PRPSAP2: variants seen among roughly 807,000 people sequenced by gnomAD.
PRPSAP2 encodes the protein phosphoribosyl pyrophosphate synthetase associated protein 2.
Under a neutral mutation model 40.6 loss-of-function variants are expected in PRPSAP2, and 24 were observed. The observed-to-expected ratio is 0.59, with a 90% confidence interval of 0.43 to 0.83. The LOEUF is 0.83. PRPSAP2 is among the 40% of genes least tolerant of loss of function. PRPSAP2 has a pLI of 0.00. For synonymous variants in PRPSAP2, 149 were observed against 164.7 expected (o/e 0.90, Z 0.73); for missense variants, 292 against 465.6 (o/e 0.63, Z 3.43).
chr17:18,887,161 C>A (rs113021005), intron 7 of PRPSAP2, among the ~76,000 whole-genome samples: 12,941 of 151,172 alleles, frequency 0.086, 641 homozygotes, highest in African/African-American at 0.13. Context: ...TCTTGAACTC[C>A]CAAACTCAGG....
At chr17:18,912,448 C>T (rs913262047) in intron 9 of PRPSAP2, among the ~76,000 whole-genome samples, 11 of 152,256 alleles carry the variant, frequency 7.2e-5, no homozygotes, top group South Asian at 4.2e-4. Context: ...CATTTTGCCC[C>T]GGCCCCTCAA....
chr17:18,872,414 T>C (rs895020632), intron 4 of PRPSAP2, among the ~76,000 whole-genome samples, 169 bp from the exon 5 acceptor site: 2 of 152,228 alleles, frequency 1.3e-5, no homozygotes, highest in Admixed American at 1.3e-4. Context: ...AAAAAGTGAT[T>C]AATGGCAGTA....
upstream of PRPSAP2, chr17:18,858,098 T>TCCCGCCCCCGCCCCCGCCCCGCC (rs758419160): frequency 6.6e-6 from 1 of 151,562 alleles, no homozygotes; most frequent in Non-Finnish European, 1.5e-5. Context: ...CGGGCTCTAG[T>TCCCGCCCCCGCCCCCGCCCCGCC]CCCGCCCTCG....
chr17:18,915,025 C>CT (rs35684867), intron 9 of PRPSAP2, among the ~76,000 whole-genome samples: 46,516 of 130,114 alleles, frequency 0.36, 8,812 homozygotes, highest in South Asian at 0.44. Flanking sequence ...TGCACCCGAC[C>CT]TTTTTTTTTT....
rs754933880 is a variant in PRPSAP2 at position 18,865,925 on chromosome 17, G to T, written c.92G>T (p.Cys31Phe). 1 of 1,503,540 alleles carries T rather than the reference G, an allele frequency of 6.7e-7. No homozygotes were observed. Among genetic ancestry groups the T allele is most frequent in the Non-Finnish European group, 9.0e-7 (1 of 1,113,154 alleles). 93.1% of individuals were successfully genotyped at this position (1,503,540 alleles called of 1,614,324 possible). Residue 31 changes from cysteine (C) to phenylalanine (F), a missense_variant, in exon 3 of 12, where the codon TGT becomes TTT. Cys to Phe is a radical substitution (Grantham distance 205, BLOSUM62 -2). This residue lies in a region of PRPSAP2 where 51 missense variants were observed against 40.0 expected (regional missense o/e 1.28). Transcript: ENST00000268835. ...VLFSANSNSS[C>F]MELSKKIAER... is the part of the protein sequence containing the mutation. ...TTTTCAGCAAACTCGAATTCATCAT[G>T]TATGGAGCTATCAAAGAAAATTGCA...
intron 1 of PRPSAP2, among the ~76,000 whole-genome samples, chr17:18,860,122 C>T (rs961053005): frequency 2.4e-4 from 37 of 151,996 alleles, no homozygotes; most frequent in Admixed American, 1.5e-3. Flanking sequence ...TGTAGTGGCG[C>T]GATCTCAGCT....
At chr17:18,896,372 C>CTG (rs370555034) in intron 8 of PRPSAP2, among the ~76,000 whole-genome samples, 1 of 151,820 alleles carries the variant, frequency 6.6e-6, no homozygotes. Context: ...TCTTCAAGGT[C>CTG]TGTGTGTGTG....
chr17:18,887,247 CATTTTAATGAAAA>C (rs1049871429), intron 7 of PRPSAP2, among the ~76,000 whole-genome samples: 5 of 149,728 alleles, frequency 3.3e-5, no homozygotes, highest in African/African-American at 1.2e-4. Context: ...GATAATTTTT[CATTTTAATGAAAA>C]ATTTTAATGA....
rs1484007372 is a variant in PRPSAP2 at position 18,865,948 on chromosome 17, G to T, written c.115G>T (p.Ala39Ser). 2 of 1,433,636 alleles carry T rather than the reference G, an allele frequency of 1.4e-6. No individual in the cohort carries two copies. The highest frequency in any genetic ancestry group is 1.9e-6 in the Non-Finnish European group (2 of 1,076,204). 88.8% of individuals were successfully genotyped at this position (1,433,636 alleles called of 1,614,324 possible). A position where few individuals can be genotyped will look rare whatever the true frequency, so the allele number is the denominator to read the frequency against. ...SSCMELSKKI[A>S]ERLGVEMGKV... ...ATGTATGGAGCTATCAAAGAAAATT[G>T]CAGAGTGAGTTATAATTGTACCATT... The change falls in exon 3 of 12, where the codon GCA becomes TCA. Residue 39 changes from alanine (A) to serine (S), a missense_variant. Coordinates refer to ENST00000268835, the MANE Select transcript of PRPSAP2 (RefSeq NM_002767.4).
At chr17:18,908,384 A>G in intron 8 of PRPSAP2, 1 of 769,330 alleles carries the variant, frequency 1.3e-6, no homozygotes, top group Non-Finnish European at 2.4e-6. Context: ...GCAAGAAATT[A>G]AAACACTGGA....
At chr17:18,927,519 T>C (rs1247804316) in intron 10 of PRPSAP2, among the ~76,000 whole-genome samples, 1 of 152,208 alleles carries the variant, frequency 6.6e-6, no homozygotes, top group Non-Finnish European at 1.5e-5. Context: ...TCCCATGGTA[T>C]AGAGGTACCA....
At chr17:18,881,175 T>TA (rs35446593) in intron 6 of PRPSAP2, among the ~76,000 whole-genome samples, 21 of 145,658 alleles carry the variant, frequency 1.4e-4, no homozygotes, top group Middle Eastern at 3.5e-3. Flanking sequence ...CTCACAGTAC[T>TA]AAAAAAAAAA....
In PRPSAP2 at chr17:18,892,057, A is replaced by G. The variant is rs572158382; in HGVS notation, c.584+2180A>G. Among the ~76,000 whole-genome samples, 7 of 152,206 alleles carry G rather than the reference A, an allele frequency of 4.6e-5. No homozygotes were observed. The East Asian group carries it at 1.4e-3, about 29-fold the overall frequency. Reference sequence around the variant, plus strand: ...TTTCTGGTAGAGATGAGGTTTCACCATGTTGGTCAGGCTGGTCTTAAACTC... The same window carrying G: ...TTTCTGGTAGAGATGAGGTTTCACCGTGTTGGTCAGGCTGGTCTTAAACTC... On this transcript the variant is annotated intron_variant, in intron 8 of 11. Coordinates refer to ENST00000268835, the MANE Select transcript of PRPSAP2 (RefSeq NM_002767.4).
chr17:18,911,081 T>C lies in PRPSAP2; in HGVS notation c.585-22T>C, dbSNP rs1597712739. ...CCAAGGGCTGCATGAGTTTTGAGCTTGTGTCTGGTGTTTTCCCTCAGGGCA... is the reference window on the plus strand; with the variant it reads ...CCAAGGGCTGCATGAGTTTTGAGCTCGTGTCTGGTGTTTTCCCTCAGGGCA... On this transcript the variant is annotated intron_variant, in intron 8 of 11. Transcript: ENST00000268835. The surrounding 1 kb of genome is among the most constrained non-coding windows in gnomAD (Gnocchi z 4.5). The C allele has an allele frequency of 3.1e-6, 5 of 1,588,392 alleles. No individual in the cohort carries two copies. Among genetic ancestry groups the C allele is most frequent in the Non-Finnish European group, 3.4e-6 (4 of 1,163,196 alleles).
chr17:18,917,575 ATTATTATTATTTTTTTT>A (rs1419680322), intron 9 of PRPSAP2: 1,253 of 33,076 alleles, frequency 0.038, 27 homozygotes, highest in African/African-American at 0.12. Context: ...TATTATTATT[ATTATTATTATTTTTTTT>A]TTTTTTTTTT....
intron 9 of PRPSAP2, among the ~76,000 whole-genome samples, chr17:18,912,011 C>T (rs781115445): frequency 6.6e-6 from 1 of 152,084 alleles, no homozygotes; most frequent in Non-Finnish European, 1.5e-5. Context: ...GGAGAAACCC[C>T]CTCTCTACTA....
intron 9 of PRPSAP2, among the ~76,000 whole-genome samples, chr17:18,917,215 G>A (rs2041370205): frequency 2.0e-5 from 3 of 151,982 alleles, no homozygotes; most frequent in South Asian, 4.2e-4. Context: ...GGACTAAACT[G>A]GCAAAAGACA....
chr17:18,910,110 CAT>C (rs1480648037), intron 8 of PRPSAP2, among the ~76,000 whole-genome samples: 2 of 152,102 alleles, frequency 1.3e-5, no homozygotes, highest in Non-Finnish European at 1.5e-5. Context: ...ATCTCCAAAA[CAT>C]GTGCTGCGTA....
At chr17:18,907,501 A>G (rs1453113445) in intron 8 of PRPSAP2, among the ~76,000 whole-genome samples, 1 of 152,218 alleles carries the variant, frequency 6.6e-6, no homozygotes, top group Non-Finnish European at 1.5e-5. Context: ...GAGACTGAAA[A>G]TCATTAAGGA....
Sources: gnomAD v4.1 joint callset for allele counts (sites outside exome capture counted in the v4.1 genomes callset) on GRCh38, gnomAD v4.1.1 for gene constraint, gnomAD v4.1.1 regional missense constraint, Gnocchi (gnomAD v3.1) non-coding constraint, MANE v1.5 for transcripts, NCBI Gene and HGNC (gene_info 2026-07-23, HGNC 2026-07-21) for gene names.